Variants in DMGDH observed in about 807,000 individuals in gnomAD.
DMGDH encodes dimethylglycine dehydrogenase, mitochondrial.
In DMGDH, 76 loss-of-function variants were observed where a neutral mutation model predicts 95.2. The observed-to-expected ratio is 0.80, with a 90% CI of 0.66 to 0.97. The LOEUF is 0.97. Among genes scored for constraint, DMGDH ranks in the 50% least tolerant of loss-of-function variants. DMGDH has a pLI of 0.00. For missense variants in DMGDH, 987 were observed against 1,055.0 expected, an observed-to-expected ratio of 0.94 and a Z score of 0.89; for synonymous variants, 345 against 377.6, an observed-to-expected ratio of 0.91 and a Z score of 1.00.
intron 15 of DMGDH, among the ~76,000 whole-genome samples, chr5:79,002,768 C>G (rs994224372): frequency 7.2e-5 from 11 of 152,170 alleles, no homozygotes; most frequent in African/African-American, 2.7e-4. Context: ...TATTTCATAT[C>G]AGTCCAGAGT....
At chr5:79,054,862 TG>T (rs1321311280) in intron 3 of DMGDH, among the ~76,000 whole-genome samples, 10 of 152,210 alleles carry the variant, frequency 6.6e-5, no homozygotes, top group Non-Finnish European at 1.5e-4. Flanking sequence ...ATATAGCCCT[TG>T]CCCTCAAGTT....
intron 14 of DMGDH, chr5:79,021,334 T>C (rs778308113): frequency 2.1e-5 from 23 of 1,111,176 alleles, no homozygotes; most frequent in Non-Finnish European, 2.3e-5. Context: ...CTGAGAGCCA[T>C]CAGGAGTATA....
In DMGDH at chr5:79,063,675, C is replaced by A; in HGVS notation, c.214G>T (p.Gly72Trp). Reference protein sequence around the residue: ...VSLAYHLAKAGMKDVVLLEKS... With the variant: ...VSLAYHLAKAWMKDVVLLEKS... Reference sequence around the variant, plus strand: ...TCCAGCAGGACCACATCTTTCATCCCTGCTTTGGCCAGGTGATAAGCCAGA... The same window carrying A: ...TCCAGCAGGACCACATCTTTCATCCATGCTTTGGCCAGGTGATAAGCCAGA... The change falls in exon 2 of 16, where the codon GGG becomes TGG. Residue 72 changes from glycine (G) to tryptophan (W), a missense_variant. Coordinates refer to ENST00000255189, the MANE Select transcript of DMGDH (RefSeq NM_013391.3). 6.2e-7 allele frequency: 1 copy of A among 1,614,216 alleles called. No homozygotes were observed. Among genetic ancestry groups the A allele is most frequent in the Non-Finnish European group, 8.5e-7 (1 of 1,180,044 alleles).
chr5:79,063,276 T>C (rs1177376576), intron 2 of DMGDH, among the ~76,000 whole-genome samples: 1 of 152,110 alleles, frequency 6.6e-6, no homozygotes, highest in African/African-American at 2.4e-5. Context: ...TTGCACATGT[T>C]AACTCAATCT....
chr5:79,029,842 T>G, intron 11 of DMGDH, 62 bp downstream of exon 11: 1 of 1,552,652 alleles, frequency 6.4e-7, no homozygotes. Context: ...AAAGAAAAAC[T>G]TAATGTAAGA....
intron 14 of DMGDH, among the ~76,000 whole-genome samples, chr5:79,006,006 G>C (rs1753540246): frequency 6.6e-6 from 1 of 151,580 alleles, no homozygotes; most frequent in South Asian, 2.1e-4. Context: ...GTTAGACACA[G>C]ACATTTTTAT....
At chr5:79,046,554 A>C (rs1307802875) in intron 5 of DMGDH, among the ~76,000 whole-genome samples, 1 of 152,006 alleles carries the variant, frequency 6.6e-6, no homozygotes, top group East Asian at 1.9e-4. Flanking sequence ...TGCCTGGCTA[A>C]TTTTGTATCT....
chr5:79,036,811 A>G (rs1754359079), intron 7 of DMGDH, among the ~76,000 whole-genome samples: 1 of 152,158 alleles, frequency 6.6e-6, no homozygotes, highest in Non-Finnish European at 1.5e-5. Context: ...AATTCAATAC[A>G]TCTTTCATGG....
chr5:79,035,741 CGGG>C (rs57292208), intron 7 of DMGDH, among the ~76,000 whole-genome samples: 1 of 129,090 alleles, frequency 7.7e-6, no homozygotes, highest in South Asian at 2.6e-4. Context: ...GAGTGGTGGG[CGGG>C]GGGGGAATCC....
chr5:79,033,494 A>T (rs1754252186), intron 7 of DMGDH, 86 bp from the exon 8 acceptor site: 3 of 1,492,290 alleles, frequency 2.0e-6, no homozygotes, highest in Non-Finnish European at 2.8e-6. Flanking sequence ...AGGGCTTCAA[A>T]GTTGGACTGT....
chr5:79,010,787 G>C (rs1753636107), intron 14 of DMGDH, among the ~76,000 whole-genome samples: 1 of 152,124 alleles, frequency 6.6e-6, no homozygotes. Context: ...AGCTTCCTTG[G>C]GAATCAGGCA....
At position 79,030,831 on chromosome 5, in the gene DMGDH, AC is replaced by A; in HGVS notation, c.1683+1del. 1 of 1,614,054 alleles carries A rather than the reference AC, an allele frequency of 6.2e-7. No individual in the cohort carries two copies. Among genetic ancestry groups the A allele is most frequent in the Non-Finnish European group, 8.5e-7 (1 of 1,179,988 alleles). On this transcript the variant is annotated splice_donor_variant, in intron 10 of 15. Transcript: ENST00000255189. LOFTEE classifies it high-confidence loss of function. ...ACCTTGTATCCCTACAAGGCTATTT[AC>A]CTTTGGAATGACATTTGCAAAGAGA...
At chr5:79,041,764 G>A (rs948219263) in intron 7 of DMGDH, among the ~76,000 whole-genome samples, 2 of 152,062 alleles carry the variant, frequency 1.3e-5, no homozygotes, top group African/African-American at 2.4e-5. Context: ...GGAGGCTGAG[G>A]TGGGCAGATT....
chr5:79,066,340 C>T (rs1580237279), intron 1 of DMGDH, among the ~76,000 whole-genome samples: 1 of 151,972 alleles, frequency 6.6e-6, no homozygotes, highest in African/African-American at 2.4e-5. Flanking sequence ...GGCTGGAGTG[C>T]AGTGGCACGA....
In DMGDH at chr5:79,044,178, T is replaced by A. The variant is rs1391042504; in HGVS notation, c.994+126A>T. The A allele has an allele frequency of 2.2e-6, 3 of 1,385,294 alleles. No individual in the cohort carries two copies. The African/African-American group carries it at 4.3e-5, about 20-fold the overall frequency. 85.8% of individuals were successfully genotyped at this position (1,385,294 alleles called of 1,614,324 possible). A position where few individuals can be genotyped will look rare whatever the true frequency, so the allele number is the denominator to read the frequency against. ...CAGAGCTCACCTCAAACCTGTCACC[T>A]CCAATGTCCCAGGTATCTGAAAGTC... is the stretch of plus-strand genomic sequence containing the variant. On this transcript the variant is annotated intron_variant, in intron 6 of 15. Transcript: ENST00000255189.
At chr5:79,013,989 T>C (rs1753687362) in intron 14 of DMGDH, among the ~76,000 whole-genome samples, 1 of 152,210 alleles carries the variant, frequency 6.6e-6, no homozygotes, top group South Asian at 2.1e-4. Context: ...ATCCAAATCA[T>C]ATCACTCCCA....
At chr5:79,010,647 G>A (rs1753632616) in intron 14 of DMGDH, among the ~76,000 whole-genome samples, 1 of 152,102 alleles carries the variant, frequency 6.6e-6, no homozygotes, top group Non-Finnish European at 1.5e-5. Context: ...CATAGCTTCT[G>A]TTTGTTTGCA....
At chr5:79,051,697 T>A (rs1212915179) in intron 4 of DMGDH, among the ~76,000 whole-genome samples, 3 of 152,214 alleles carry the variant, frequency 2.0e-5, no homozygotes, top group African/African-American at 7.2e-5. Context: ...ACCTCTATCT[T>A]GTTTACACCT....
chr5:79,012,554 A>T (rs142882835), intron 14 of DMGDH, among the ~76,000 whole-genome samples: 47 of 152,308 alleles, frequency 3.1e-4, no homozygotes, highest in Non-Finnish European at 5.9e-4. Flanking sequence ...TTTCCCCTCT[A>T]CACTGTCTTA....
Sources: gnomAD v4.1 joint callset for allele counts (sites outside exome capture counted in the v4.1 genomes callset) on GRCh38, gnomAD v4.1.1 for gene constraint, MANE v1.5 for transcripts, NCBI Gene and HGNC (gene_info 2026-07-23, HGNC 2026-07-21) for gene names.